Variants in PCDHA8 observed in about 807,000 individuals in gnomAD.
PCDHA8 encodes the protein protocadherin alpha 8.
In PCDHA8, 53 loss-of-function variants were observed where a neutral mutation model predicts 61.8. The observed-to-expected ratio is 0.86, with a 90% CI of 0.69 to 1.08. PCDHA8 has a LOEUF of 1.08. Among genes scored for constraint, PCDHA8 ranks in the 50% least tolerant of loss-of-function variants. The probability of loss-of-function intolerance (pLI) is 0.00; values close to 1 mark genes in which losing one functional copy is unlikely to be tolerated. For synonymous variants in PCDHA8, 618 were observed against 556.6 expected, an observed-to-expected ratio of 1.11 and a Z score of -1.55; for missense variants, 1,293 against 1,245.0, an observed-to-expected ratio of 1.04 and a Z score of -0.58.
Position 140,842,954 on chromosome 5 carries a change from C to G in PCDHA8, c.1633C>G (p.Leu545Val). Residue 545 changes from leucine (L) to valine (V), a missense_variant, in exon 1 of 4, where the codon CTG becomes GTG. By Grantham distance (32) the Leu-to-Val change is conservative (BLOSUM62 1). Coordinates refer to ENST00000531613, the MANE Select transcript of PCDHA8 (RefSeq NM_018911.3). ...CGCGCGCGACGCGGGCGTGCCGCCT[C>G]TGGGCAGCAACGTGACGCTGCAGGT... Reference protein sequence around the residue: ...VSARDAGVPPLGSNVTLQVFV... With the variant: ...VSARDAGVPPVGSNVTLQVFV... 2 of 1,594,948 alleles carry G rather than the reference C, an allele frequency of 1.3e-6. No individual in the cohort carries two copies.
At chr5:140,975,560 A>T (rs1302523568) in intron 1 of PCDHA8, among the ~76,000 whole-genome samples, 1 of 152,238 alleles carries the variant, frequency 6.6e-6, no homozygotes, top group Non-Finnish European at 1.5e-5. Flanking sequence ...AAGGAAAAGG[A>T]GATATTATAT....
chr5:140,972,754 C>T (rs782389999), intron 1 of PCDHA8, among the ~76,000 whole-genome samples: 1 of 151,316 alleles, frequency 6.6e-6, no homozygotes, highest in African/African-American at 2.4e-5. Flanking sequence ...ACCTCCGCCT[C>T]CCAAGTTAAA....
At position 141,010,458 on chromosome 5, in the gene PCDHA8, T is replaced by C. The variant is rs2098417373; in HGVS notation, c.*521T>C. The C allele has an allele frequency of 1.1e-6, 1 of 871,194 alleles. No individual in the cohort carries two copies. The highest frequency in any genetic ancestry group is 1.7e-6 in the Non-Finnish European group (1 of 592,130). 54.0% of individuals were successfully genotyped at this position (871,194 alleles called of 1,614,324 possible). On this transcript the variant is annotated 3_prime_UTR_variant, in exon 4 of 4. Coordinates refer to ENST00000531613, the MANE Select transcript of PCDHA8 (RefSeq NM_018911.3). ...AAAGACAAATAAACAGCGGAAGTTA[T>C]CAGTATGGAGGGGAAGTGTAAACTT...
chr5:140,883,507 G>T (rs782325165), intron 1 of PCDHA8: 1 of 1,614,200 alleles, frequency 6.2e-7, no homozygotes, highest in South Asian at 1.1e-5. Flanking sequence ...ACAGCGCCCT[G>T]GACCGCGAGA....
intron 1 of PCDHA8, chr5:140,875,337 A>C (rs2055422229): frequency 1.6e-5 from 23 of 1,440,366 alleles, no homozygotes; most frequent in Non-Finnish European, 1.7e-5. Context: ...AATAGGATCG[A>C]CTCCATAATG....
At chr5:140,953,959 C>T (rs2094958753) in intron 1 of PCDHA8, among the ~76,000 whole-genome samples, 1 of 152,044 alleles carries the variant, frequency 6.6e-6, no homozygotes, top group South Asian at 2.1e-4. Flanking sequence ...CAACAGGCCC[C>T]AGTGTGTGTT....
At chr5:140,869,666 A>G (rs2051321419) in intron 1 of PCDHA8, 1 of 1,613,524 alleles carries the variant, frequency 6.2e-7, no homozygotes, top group East Asian at 2.2e-5. Context: ...AATGGTAAGC[A>G]GATTAAAAGA....
At chr5:140,984,453 T>C (rs2097104309) in intron 3 of PCDHA8, among the ~76,000 whole-genome samples, 1 of 152,254 alleles carries the variant, frequency 6.6e-6, no homozygotes, top group South Asian at 2.1e-4. Flanking sequence ...CCTTTCTTAC[T>C]GTCCCAGCCC....
At chr5:140,994,864 G>A (rs2097653681) in intron 3 of PCDHA8, among the ~76,000 whole-genome samples, 1 of 152,114 alleles carries the variant, frequency 6.6e-6, no homozygotes, top group Non-Finnish European at 1.5e-5. Context: ...TGATGGATGT[G>A]GTAGAATAAA....
chr5:140,969,823 T>C (rs782195981), intron 1 of PCDHA8, among the ~76,000 whole-genome samples: 3 of 152,248 alleles, frequency 2.0e-5, no homozygotes, highest in Non-Finnish European at 4.4e-5. Context: ...CTCTGGACTG[T>C]CTACAGTGGA....
intron 1 of PCDHA8, chr5:140,854,159 CAA>C (rs59855104): frequency 4.1e-3 from 1,382 of 339,958 alleles, no homozygotes; most frequent in Non-Finnish European, 4.7e-3. Flanking sequence ...GATTCTGTCT[CAA>C]AAAAAAAAAA....
At chr5:140,924,725 C>T (rs1015635507) in intron 1 of PCDHA8, among the ~76,000 whole-genome samples, 71 of 151,698 alleles carry the variant, frequency 4.7e-4, no homozygotes, top group African/African-American at 1.6e-3. Flanking sequence ...CGAAACCTCA[C>T]CTCTAATAAA....
chr5:140,893,693 T>G (rs868968555), intron 1 of PCDHA8, among the ~76,000 whole-genome samples: 43 of 152,366 alleles, frequency 2.8e-4, no homozygotes, highest in Middle Eastern at 3.4e-3. Context: ...CATCTCATTC[T>G]ATCCTAGCCT....
chr5:140,847,503 C>G lies in PCDHA8; in HGVS notation c.2394+3788C>G, dbSNP rs1445726989. 5 of 149,698 alleles carry G rather than the reference C, an allele frequency of 3.3e-5. 1 individual carries two copies. Among genetic ancestry groups the G allele is most frequent in the Non-Finnish European group, 7.5e-5 (5 of 66,942 alleles). The allele number at this position is 149,698 out of a possible 1,614,324, so 9.3% of individuals were successfully genotyped here. Reference sequence around the variant, plus strand: ...TAAGATAGTAAAACTCACAACAAAACTTTGTAGAACTTAGTCAGGAAAAGA... The same window carrying G: ...TAAGATAGTAAAACTCACAACAAAAGTTTGTAGAACTTAGTCAGGAAAAGA... On this transcript the variant is annotated intron_variant, in intron 1 of 3. Transcript: ENST00000531613.
chr5:140,856,499 T>A, intron 1 of PCDHA8: 1 of 1,598,458 alleles, frequency 6.3e-7, no homozygotes, highest in Non-Finnish European at 8.6e-7. Flanking sequence ...TGACTCTCGA[T>A]TTCCACTAGA....
At chr5:141,001,522 C>G (rs1554258201) in intron 3 of PCDHA8, among the ~76,000 whole-genome samples, 1 of 152,214 alleles carries the variant, frequency 6.6e-6, no homozygotes, top group African/African-American at 2.4e-5. Context: ...TTCTCCCTCT[C>G]TCTCTGATCC....
intron 1 of PCDHA8, among the ~76,000 whole-genome samples, chr5:140,963,588 A>G (rs1554226668): frequency 6.6e-6 from 1 of 152,218 alleles, no homozygotes; most frequent in African/African-American, 2.4e-5. Flanking sequence ...AATGTAGGAT[A>G]TAGTTCTAGA....
At position 140,862,768 on chromosome 5, in the gene PCDHA8, G is replaced by C. The variant is rs1409687409; in HGVS notation, c.2394+19053G>C. The C allele has an allele frequency of 8.7e-6, 5 of 576,458 alleles. No individual in the cohort carries two copies. The African/African-American group carries it at 9.8e-5, about 11-fold the overall frequency. 35.7% of individuals were successfully genotyped at this position (576,458 alleles called of 1,614,324 possible). A position where few individuals can be genotyped will look rare whatever the true frequency, so the allele number is the denominator to read the frequency against. On this transcript the variant is annotated intron_variant, in intron 1 of 3. Transcript: ENST00000531613. ...GCACGCGGAGAGCGGCAAGAGGTAC[G>C]CGTTGCAGCCACTGGACTACGAGGA...
intron 1 of PCDHA8, chr5:140,863,366 C>A: frequency 8.4e-7 from 1 of 1,190,444 alleles, no homozygotes; most frequent in Non-Finnish European, 1.2e-6. Context: ...CGGTGCTTGG[C>A]GCAGCTCACC....
Sources: gnomAD v4.1 joint callset for allele counts (sites outside exome capture counted in the v4.1 genomes callset) on GRCh38, gnomAD v4.1.1 for gene constraint, MANE v1.5 for transcripts, NCBI Gene and HGNC (gene_info 2026-07-23, HGNC 2026-07-21) for gene names.